The following CPNE7 variants were observed in gnomAD, a reference collection of about 807,000 sequenced individuals.
The protein encoded by CPNE7 is copine 7.
In CPNE7, 78 loss-of-function variants were observed where a neutral mutation model predicts 66.5. The observed-to-expected ratio is 1.17, with a 90% CI of 0.98 to 1.42. CPNE7 has a LOEUF of 1.42. Ranked by LOEUF, CPNE7 falls within the 40% of genes most tolerant of loss-of-function variation. CPNE7 has a pLI of 0.00. For synonymous variants in CPNE7, 468 were observed against 336.7 expected, an observed-to-expected ratio of 1.39 and a Z score of -4.27; for missense variants, 1,012 against 776.6, an observed-to-expected ratio of 1.30 and a Z score of -3.60.
rs1468734942 is a variant in CPNE7 at position 89,595,601 on chromosome 16, A to G, written c.1537A>G (p.Asn513Asp). Residue 513 changes from asparagine (N) to aspartate (D), a missense_variant and splice_region_variant, in exon 14 of 15, where the codon AAC becomes GAC. Coordinates refer to ENST00000319518, the MANE Select transcript of CPNE7 (RefSeq NM_153636.3). ...GTTCGTGCCCTTCCGGGAGCTCAAG[A>G]ACGTGAGTGTCCTGGAGGGGCTCCG... Reference protein sequence around the residue: ...VQFVPFRELKNASPAALAKCV... With the variant: ...VQFVPFRELKDASPAALAKCV... The G allele has an allele frequency of 6.2e-7, 1 of 1,600,514 alleles. No homozygotes were observed. Among genetic ancestry groups the G allele is most frequent in the East Asian group, 2.2e-5 (1 of 44,594 alleles).
chr16:89,583,269 C>A (rs1231712858), intron 2 of CPNE7, among the ~76,000 whole-genome samples: 1 of 152,118 alleles, frequency 6.6e-6, no homozygotes, highest in South Asian at 2.1e-4. Context: ...GGTCCGGGGC[C>A]GTTTGAGCTG....
rs1356869873 is a variant in CPNE7 at position 89,575,765 on chromosome 16, C to T, written c.-133C>T. On this transcript the variant is annotated 5_prime_UTR_variant, in exon 1 of 15. Coordinates refer to ENST00000319518, the MANE Select transcript of CPNE7 (RefSeq NM_153636.3). ...GCGGCGGCCGCCCGAGCCACGTGCGCCCGCGCCCGGCAGGCGTTCAGGGAA... is the reference window on the plus strand; with the variant it reads ...GCGGCGGCCGCCCGAGCCACGTGCGTCCGCGCCCGGCAGGCGTTCAGGGAA... 1.6e-5 allele frequency: 10 copies of T among 610,330 alleles called. No homozygotes were observed. The highest frequency in any genetic ancestry group is 1.3e-4 in the Admixed American group (2 of 15,996). The allele number at this position is 610,330 out of a possible 1,614,324, so 37.8% of individuals were successfully genotyped here.
intron 9 of CPNE7, chr16:89,587,787 GTGT>G: frequency 4.8e-5 from 2 of 41,514 alleles, no homozygotes; most frequent in South Asian, 1.8e-4. Flanking sequence ...CACGGCCCCC[GTGT>G]CACCCACAGA....
rs559574160 is a variant in CPNE7, at chr16:89,577,213, C to T, written c.175-326C>T. On this transcript the variant is annotated intron_variant, in intron 1 of 14. Transcript: ENST00000319518. Reference sequence around the variant, plus strand: ...ACGCCCCCTCCCCACTCAGCTGGTGCTGGGGAGCGGCCTGCACTTTAGGGC... The same window carrying T: ...ACGCCCCCTCCCCACTCAGCTGGTGTTGGGGAGCGGCCTGCACTTTAGGGC... Among the ~76,000 whole-genome samples the T allele has an allele frequency of 1.8e-3, 270 of 152,284 alleles. 13 individuals carry two copies. The South Asian group carries it at 0.053, about 30-fold the overall frequency.
intron 13 of CPNE7, among the ~76,000 whole-genome samples, chr16:89,593,685 A>G (rs1374231984): frequency 6.6e-6 from 1 of 152,216 alleles, no homozygotes; most frequent in Non-Finnish European, 1.5e-5. Context: ...ATTTCCTAAG[A>G]TCAAAGATAT....
At chr16:89,583,898 C>A in intron 3 of CPNE7, 127 bp downstream of exon 3, 1 of 1,435,240 alleles carries the variant, frequency 7.0e-7, no homozygotes, top group East Asian at 2.4e-5. Flanking sequence ...AGCTACACAG[C>A]CCCGGGGGTA....
At chr16:89,594,903 C>T (rs11860881) in intron 13 of CPNE7, among the ~76,000 whole-genome samples, 33 of 152,122 alleles carry the variant, frequency 2.2e-4, no homozygotes, top group African/African-American at 7.5e-4. Context: ...CCGCCCGCCT[C>T]GGCCTCCCAA....
chr16:89,575,786 G>T lies in CPNE7; in HGVS notation c.-112G>T. 1.2e-6 allele frequency: 1 copy of T among 822,274 alleles called. No individual in the cohort carries two copies. Among genetic ancestry groups the T allele is most frequent in the Non-Finnish European group, 1.5e-6 (1 of 672,056 alleles). 50.9% of individuals were successfully genotyped at this position (822,274 alleles called of 1,614,324 possible). A position where few individuals can be genotyped will look rare whatever the true frequency, so the allele number is the denominator to read the frequency against. Reference sequence around the variant, plus strand: ...TGCGCCCGCGCCCGGCAGGCGTTCAGGGAAGCGCGGCCACGCCTGGGCCGG... The same window carrying T: ...TGCGCCCGCGCCCGGCAGGCGTTCATGGAAGCGCGGCCACGCCTGGGCCGG... On this transcript the variant is annotated 5_prime_UTR_variant, in exon 1 of 15. The change creates a new upstream start codon in the 5' untranslated region. Coordinates refer to ENST00000319518, the MANE Select transcript of CPNE7 (RefSeq NM_153636.3).
intron 13 of CPNE7, among the ~76,000 whole-genome samples, chr16:89,594,496 G>C (rs1220303742): frequency 6.6e-6 from 1 of 152,106 alleles, no homozygotes; most frequent in Non-Finnish European, 1.5e-5. Flanking sequence ...GGCCAGCCCA[G>C]GGGAGGCTGC....
In CPNE7 at chr16:89,588,635, C is replaced by A. The variant is rs200990205; in HGVS notation, c.928-40C>A. ...ACCTGTCAGGAGCGGGTTCGGGGAGCCCCGGCCCAGCACAGCTCCTGGCTC... is the reference window on the plus strand; with the variant it reads ...ACCTGTCAGGAGCGGGTTCGGGGAGACCCGGCCCAGCACAGCTCCTGGCTC... On this transcript the variant is annotated intron_variant, in intron 9 of 14. Transcript: ENST00000319518. 192 of 1,610,340 alleles carry A rather than the reference C, an allele frequency of 1.2e-4. 1 individual carries two copies. The African/African-American group carries it at 2.4e-3, about 20-fold the overall frequency.
chr16:89,576,481 C>T (rs530745102), intron 1 of CPNE7, among the ~76,000 whole-genome samples: 6 of 152,026 alleles, frequency 3.9e-5, no homozygotes, highest in African/African-American at 1.2e-4. Context: ...GGGAGCAGGC[C>T]GGCGAGGGAG....
At chr16:89,593,574 G>C (rs980192669) in intron 13 of CPNE7, among the ~76,000 whole-genome samples, 5 of 151,794 alleles carry the variant, frequency 3.3e-5, no homozygotes, top group African/African-American at 4.8e-5. Context: ...GGATGGTCTC[G>C]ATCTCCTGAC....
chr16:89,595,880 T>C (rs563878848), intron 14 of CPNE7: 5 of 602,642 alleles, frequency 8.3e-6, no homozygotes, highest in African/African-American at 7.2e-5. Flanking sequence ...GCTTCCCCCG[T>C]TGCTGCCAAC....
At chr16:89,595,281 C>G in intron 13 of CPNE7, 86 bp from the exon 14 acceptor site, 1 of 1,138,926 alleles carries the variant, frequency 8.8e-7, no homozygotes, top group Non-Finnish European at 1.3e-6. Flanking sequence ...CGGAGGCACT[C>G]TGGGCTGTCT....
chr16:89,595,565 G>C lies in CPNE7; in HGVS notation c.1501G>C (p.Asp501His). ...RSPRGEPALR[D>H]IVQFVPFREL... ...CCCACGGGGTGAGCCCGCGCTCCGG[G>C]ACATCGTACAGTTCGTGCCCTTCCG... The change falls in exon 14 of 15, where the codon GAC becomes CAC. Residue 501 changes from aspartate (D) to histidine (H), a missense_variant. Physicochemically the swap from Asp to His is moderately conservative, Grantham distance 81. Coordinates refer to ENST00000319518, the MANE Select transcript of CPNE7 (RefSeq NM_153636.3). 1 of 1,611,268 alleles carries C rather than the reference G, an allele frequency of 6.2e-7. No homozygotes were observed. The highest frequency in any genetic ancestry group is 8.5e-7 in the Non-Finnish European group (1 of 1,178,842).
At chr16:89,590,064 A>G in intron 11 of CPNE7, 113 bp downstream of exon 11, 1 of 1,238,384 alleles carries the variant, frequency 8.1e-7, no homozygotes. Context: ...CGGAGACTGT[A>G]GGATGGGATT....
chr16:89,579,216 T>C (rs1440322070), intron 2 of CPNE7, among the ~76,000 whole-genome samples: 2 of 150,754 alleles, frequency 1.3e-5, no homozygotes, highest in South Asian at 2.1e-4. Flanking sequence ...CACTTGAACC[T>C]GGGAGGCAGA....
At chr16:89,578,578 G>T (rs2058897234) in intron 2 of CPNE7, among the ~76,000 whole-genome samples, 1 of 151,700 alleles carries the variant, frequency 6.6e-6, no homozygotes, top group African/African-American at 2.4e-5. Context: ...TGGCCAACAT[G>T]CTGAAACCTC....
chr16:89,587,105 G>C lies in CPNE7; in HGVS notation c.927+3G>C. 6.5e-7 allele frequency: 1 copy of C among 1,545,792 alleles called. No individual in the cohort carries two copies. The highest frequency in any genetic ancestry group is 8.7e-7 in the Non-Finnish European group (1 of 1,145,510). On this transcript the variant is annotated splice_donor_region_variant and intron_variant, in intron 9 of 14. Transcript: ENST00000319518. ...GCGGCTGCCAGATCCACTTCACCGT[G>C]AGTCCATGGCCCCGCCCCATGCCGC...
Sources: gnomAD v4.1 joint callset for allele counts (sites outside exome capture counted in the v4.1 genomes callset) on GRCh38, gnomAD v4.1.1 for gene constraint, MANE v1.5 for transcripts, NCBI Gene and HGNC (gene_info 2026-07-23, HGNC 2026-07-21) for gene names.